The following NFKB2 variants were observed in gnomAD, a reference collection of about 807,000 sequenced individuals.
The protein encoded by NFKB2 is nuclear factor kappa B subunit 2.
In NFKB2, 21 loss-of-function variants were observed where a neutral mutation model predicts 109.3. The ratio of observed to expected loss-of-function variants is 0.19; its 90% CI spans 0.14 to 0.28. The LOEUF (loss-of-function observed/expected upper bound fraction) is 0.28. NFKB2 is among the 10% of genes least tolerant of loss of function. The probability of loss-of-function intolerance (pLI) is 1.00; values close to 1 mark genes in which losing one functional copy is unlikely to be tolerated. For missense variants in NFKB2, 806 were observed against 1,185.3 expected (o/e 0.68, Z 4.70); for synonymous variants, 478 against 489.9 (o/e 0.98, Z 0.32).
Position 102,397,008 on chromosome 10 carries a change from G to A in NFKB2, c.348G>A (p.Glu116=). 4.3e-6 allele frequency: 7 copies of A among 1,613,732 alleles called. No homozygotes were observed. The highest frequency in any genetic ancestry group is 5.9e-6 in the Non-Finnish European group (7 of 1,179,800). The change falls in exon 6 of 23, where the codon GAG becomes GAA. Residue 116 remains glutamate (E), a synonymous_variant. Coordinates refer to ENST00000661543, the MANE Select transcript of NFKB2 (RefSeq NM_001322934.2). The surrounding 1 kb of genome is among the most constrained non-coding windows in gnomAD (Gnocchi z 4.7). The stretch of plus-strand genomic sequence containing the variant: ...GTCTGGTGGGCAAGCAATGCTCGGA[G>A]CTGGGGATCTGCGCCGTTTCTGTGG... The part of the protein sequence containing the change: ...AHSLVGKQCS[E]LGICAVSVGP...
At chr10:102,399,153 T>G in intron 12 of NFKB2, 135 bp from the exon 13 acceptor site, 1 of 896,546 alleles carries the variant, frequency 1.1e-6, no homozygotes, top group Non-Finnish European at 1.7e-6. Flanking sequence ...GACAAGAGGT[T>G]GCAGTAAGCT....
rs1237396659 is a variant in NFKB2, at chr10:102,401,230, C to G, written c.2122C>G (p.Pro708Ala). 6.2e-7 allele frequency: 1 copy of G among 1,610,456 alleles called. No homozygotes were observed. ...GGAGCCCCTGTGCCCACTGCCTTCA[C>G]CCCCTACCTCTGATAGCGACTCGGA... ...NEEPLCPLPSPPTSDSDSDSE... is the reference protein window; with the variant it reads ...NEEPLCPLPSAPTSDSDSDSE... Residue 708 changes from proline (P) to alanine (A), a missense_variant, in exon 19 of 23, where the codon CCC (proline) becomes GCC (alanine). Transcript: ENST00000661543. The surrounding 1 kb of genome is among the most constrained non-coding windows in gnomAD (Gnocchi z 4.2).
Position 102,400,146 on chromosome 10 carries a change from C to T in NFKB2, c.1536C>T (p.His512=). ...SVIEQIVYVI[H]HAQDLGVVNL... ...TTGAGCAGATAGTCTATGTCATCCA[C>T]CACGCCCAGGACCTCGGCGTTGTCA... The change falls in exon 15 of 23, where the codon CAC becomes CAT. Residue 512 remains histidine (H), a synonymous_variant. Coordinates refer to ENST00000661543, the MANE Select transcript of NFKB2 (RefSeq NM_001322934.2). The surrounding 1 kb of genome is among the most constrained non-coding windows in gnomAD (Gnocchi z 6.3). 1 of 1,614,170 alleles carries T rather than the reference C, an allele frequency of 6.2e-7. No individual in the cohort carries two copies.
chr10:102,399,863 C>T, intron 14 of NFKB2, 145 bp downstream of exon 14: 2 of 1,292,518 alleles, frequency 1.5e-6, no homozygotes, highest in Non-Finnish European at 2.1e-6. Flanking sequence ...TGCTTGGTCT[C>T]TCCAAACTTC....
At position 102,396,609 on chromosome 10, in the gene NFKB2, A is replaced by G; in HGVS notation, c.145-116A>G. On this transcript the variant is annotated intron_variant, in intron 4 of 22. Transcript: ENST00000661543. This position sits in a 1 kb window ranked among gnomAD's most constrained non-coding sequence, Gnocchi z 5.9. ...GGAGGCCACAGGGGATTGGATGGTC[A>G]CTGCTGCTGATCAGAGTGCTGTAGT... 1.3e-6 allele frequency: 2 copies of G among 1,563,692 alleles called. No homozygotes were observed. Among genetic ancestry groups the G allele is most frequent in the East Asian group, 2.3e-5 (1 of 44,384 alleles).
chr10:102,395,755 A>C lies in NFKB2; in HGVS notation c.-114A>C. 2 of 609,266 alleles carry C rather than the reference A, an allele frequency of 3.3e-6. No homozygotes were observed. The highest frequency in any genetic ancestry group is 2.8e-5 in the East Asian group (1 of 36,038). The allele number at this position is 609,266 out of a possible 1,614,324, so 37.7% of individuals were successfully genotyped here. On this transcript the variant is annotated 5_prime_UTR_variant, in exon 1 of 23. Coordinates refer to ENST00000661543, the MANE Select transcript of NFKB2 (RefSeq NM_001322934.2). ...AGCCCAACTCCGGATCTCGCTCTCC[A>C]CCGGATCTCACCCGCCACACCCGGA...
rs750475102 is a variant in NFKB2, at chr10:102,401,803, G to T, written c.2352G>T (p.Gly784=). The part of the protein sequence containing the change: ...ALQNLEQLLD[G]PEAQGSWAEL... ...AGAACCTGGAGCAGCTGCTAGACGG[G>T]CCAGAAGCCCAGGGCAGCTGGGCAG... The change falls in exon 21 of 23, where the codon GGG becomes GGT. Residue 784 remains glycine (G), a synonymous_variant. Coordinates refer to ENST00000661543, the MANE Select transcript of NFKB2 (RefSeq NM_001322934.2). This position sits in a 1 kb window ranked among gnomAD's most constrained non-coding sequence, Gnocchi z 4.2. 6.2e-7 allele frequency: 1 copy of T among 1,613,746 alleles called. No homozygotes were observed. Among genetic ancestry groups the T allele is most frequent in the Non-Finnish European group, 8.5e-7 (1 of 1,179,890 alleles).
Position 102,396,652 on chromosome 10 carries a change from C to T in NFKB2, c.145-73C>T. On this transcript the variant is annotated intron_variant, in intron 4 of 22. Transcript: ENST00000661543. This position sits in a 1 kb window ranked among gnomAD's most constrained non-coding sequence, Gnocchi z 5.9. Reference sequence around the variant, plus strand: ...GCTGTAGTTTGGTTCAGGGCTACTACCAGGCACTGCGGTCACTGCTGGCCT... The same window carrying T: ...GCTGTAGTTTGGTTCAGGGCTACTATCAGGCACTGCGGTCACTGCTGGCCT... 2 of 1,556,326 alleles carry T rather than the reference C, an allele frequency of 1.3e-6. No homozygotes were observed. The highest frequency in any genetic ancestry group is 1.1e-5 in the South Asian group (1 of 89,388).
Position 102,397,945 on chromosome 10 carries a change from T to G in NFKB2, c.662-36T>G, listed in dbSNP as rs771195670. On this transcript the variant is annotated intron_variant, in intron 8 of 22. Coordinates refer to ENST00000661543, the MANE Select transcript of NFKB2 (RefSeq NM_001322934.2). This position sits in a 1 kb window ranked among gnomAD's most constrained non-coding sequence, Gnocchi z 4.7. The stretch of plus-strand genomic sequence containing the variant: ...GCTTCTTAAATGTGGCCTTGGCTAT[T>G]GCATCATCTCAACTAATCCATATCC... The G allele has an allele frequency of 3.7e-6, 6 of 1,602,340 alleles. No individual in the cohort carries two copies. The Admixed American group carries it at 1.0e-4, about 27-fold the overall frequency.
Position 102,395,762 on chromosome 10 carries a change from C to T in NFKB2, c.-107C>T, listed in dbSNP as rs2061096351. 1 of 624,008 alleles carries T rather than the reference C, an allele frequency of 1.6e-6. No individual in the cohort carries two copies. Among genetic ancestry groups the T allele is most frequent in the South Asian group, 1.9e-5 (1 of 53,232 alleles). 38.7% of individuals were successfully genotyped at this position (624,008 alleles called of 1,614,324 possible). On this transcript the variant is annotated 5_prime_UTR_variant, in exon 1 of 23. Transcript: ENST00000661543. ...CTCCGGATCTCGCTCTCCACCGGAT[C>T]TCACCCGCCACACCCGGACAGGCGG...
Position 102,400,154 on chromosome 10 carries a change from A to C in NFKB2, c.1544A>C (p.Gln515Pro), listed in dbSNP as rs990850346. ...ATAGTCTATGTCATCCACCACGCCC[A>C]GGACCTCGGCGTTGTCAACCTCACC... ...EQIVYVIHHAQDLGVVNLTNH... is the reference protein window; with the variant it reads ...EQIVYVIHHAPDLGVVNLTNH... The change falls in exon 15 of 23, where the codon CAG becomes CCG. Residue 515 changes from glutamine to proline, a missense_variant. Physicochemically the swap from Gln to Pro is moderately conservative, Grantham distance 76. Around this residue, in one of 10 missense-constraint regions of NFKB2, gnomAD observed 163 missense variants for 207.1 expected, o/e 0.79. Coordinates refer to ENST00000661543, the MANE Select transcript of NFKB2 (RefSeq NM_001322934.2). This position sits in a 1 kb window ranked among gnomAD's most constrained non-coding sequence, Gnocchi z 6.3. 1 of 1,614,050 alleles carries C rather than the reference A, an allele frequency of 6.2e-7. No individual in the cohort carries two copies. The highest frequency in any genetic ancestry group is 1.3e-5 in the African/African-American group (1 of 74,938).
In NFKB2 at chr10:102,402,387, GC is replaced by G; in HGVS notation, c.*16del. ...CCTCAGGTGCACTGACCTGCTGCCT[GC>G]CCCCAGCCCCCTTCCCGGACCCCCT... On this transcript the variant is annotated 3_prime_UTR_variant, in exon 23 of 23. Transcript: ENST00000661543. The G allele has an allele frequency of 5.4e-6, 8 of 1,494,368 alleles. No individual in the cohort carries two copies. Among genetic ancestry groups the G allele is most frequent in the South Asian group, 1.3e-5 (1 of 75,618 alleles). 92.6% of individuals were successfully genotyped at this position (1,494,368 alleles called of 1,614,324 possible).
Position 102,400,501 on chromosome 10 carries a change from C to G in NFKB2, c.1798+10C>G, listed in dbSNP as rs753908271. On this transcript the variant is annotated intron_variant, in intron 16 of 22. Coordinates refer to ENST00000661543, the MANE Select transcript of NFKB2 (RefSeq NM_001322934.2). This position sits in a 1 kb window ranked among gnomAD's most constrained non-coding sequence, Gnocchi z 6.3. ...ATGCCTGACTTTGAGGGTGAGCTCC[C>G]CATCTCACCTGACTAAGGGGGCAGG... 7.5e-6 allele frequency: 12 copies of G among 1,596,262 alleles called. No individual in the cohort carries two copies. The highest frequency in any genetic ancestry group is 1.0e-5 in the Non-Finnish European group (12 of 1,172,136).
At position 102,398,154 on chromosome 10, in the gene NFKB2, G is replaced by A. The variant is rs1316743097; in HGVS notation, c.767-58G>A. 12 of 1,612,746 alleles carry A rather than the reference G, an allele frequency of 7.4e-6. No homozygotes were observed. The highest frequency in any genetic ancestry group is 4.5e-5 in the East Asian group (2 of 44,878). ...AGACTGGGGCCAGGGAAGCTCTAGG[G>A]TAAATGGCCCCAGAGATTCCACCGG... On this transcript the variant is annotated intron_variant, in intron 9 of 22. Transcript: ENST00000661543. This position sits in a 1 kb window ranked among gnomAD's most constrained non-coding sequence, Gnocchi z 6.6.
chr10:102,394,997 C>A (rs1377226709), upstream of NFKB2, among the ~76,000 whole-genome samples: 8 of 151,810 alleles, frequency 5.3e-5, no homozygotes. Flanking sequence ...CACACATGCT[C>A]GCTTGCACAC....
chr10:102,397,779 A>C lies in NFKB2; in HGVS notation c.661+94A>C. 6.8e-7 allele frequency: 1 copy of C among 1,470,864 alleles called. No homozygotes were observed. The highest frequency in any genetic ancestry group is 1.3e-5 in the South Asian group (1 of 79,920). 91.1% of individuals were successfully genotyped at this position (1,470,864 alleles called of 1,614,324 possible). ...GTGCAGTCAAACAGACCCAGGTTTC[A>C]GAACCTGGCCCTGCCACATATGAGC... On this transcript the variant is annotated intron_variant, in intron 8 of 22. Coordinates refer to ENST00000661543, the MANE Select transcript of NFKB2 (RefSeq NM_001322934.2). The surrounding 1 kb of genome is among the most constrained non-coding windows in gnomAD (Gnocchi z 4.7).
At chr10:102,394,321 C>T (rs1190488331), upstream of NFKB2, 2 of 152,272 alleles carry the variant, frequency 1.3e-5, no homozygotes, top group African/African-American at 4.8e-5. Context: ...CGAACTCGCG[C>T]CTGGTGTCCT....
At position 102,401,005 on chromosome 10, in the gene NFKB2, C is replaced by T; in HGVS notation, c.2027C>T (p.Ala676Val). Residue 676 changes from alanine to valine, a missense_variant, in exon 18 of 23, where the codon GCT becomes GTT. By Grantham distance (64) the Ala-to-Val change is moderately conservative. Transcript: ENST00000661543. This position sits in a 1 kb window ranked among gnomAD's most constrained non-coding sequence, Gnocchi z 4.2. Reference sequence around the variant, plus strand: ...GGAAACACACCCCTGCACCTGGCAGCTGGACTGGGGTACCCGACCCTCACC... The same window carrying T: ...GGAAACACACCCCTGCACCTGGCAGTTGGACTGGGGTACCCGACCCTCACC... ...FAGNTPLHLA[A>V]GLGYPTLTRL... 1 of 1,614,104 alleles carries T rather than the reference C, an allele frequency of 6.2e-7. No homozygotes were observed. The highest frequency in any genetic ancestry group is 1.7e-5 in the Admixed American group (1 of 60,000).
Position 102,395,797 on chromosome 10 carries a change from G to A in NFKB2, c.-73+1G>A. ...ACACCCGGACAGGCGGCTGGAGGAG[G>A]TCGGACCCTCCCCCAAATCTGGGCC... On this transcript the variant is annotated splice_donor_variant, in intron 1 of 22. Transcript: ENST00000661543. LOFTEE classifies it low-confidence loss of function (5UTR_SPLICE). 1.5e-6 allele frequency: 1 copy of A among 686,896 alleles called. No individual in the cohort carries two copies. Among genetic ancestry groups the A allele is most frequent in the Non-Finnish European group, 2.5e-6 (1 of 404,642 alleles). The allele number at this position is 686,896 out of a possible 1,614,324, so 42.6% of individuals were successfully genotyped here.
Sources: gnomAD v4.1 joint callset for allele counts (sites outside exome capture counted in the v4.1 genomes callset) on GRCh38, gnomAD v4.1.1 for gene constraint, gnomAD v4.1.1 regional missense constraint, Gnocchi (gnomAD v3.1) non-coding constraint, MANE v1.5 for transcripts, NCBI Gene and HGNC (gene_info 2026-07-23, HGNC 2026-07-21) for gene names.